The following ANK1 variants were observed in gnomAD, a reference collection of about 807,000 sequenced individuals.
ANK1 encodes ankyrin-1.
A neutral mutation model predicts 210.4 loss-of-function variants in ANK1; 51 were observed. The observed-to-expected ratio is 0.24, with a 90% CI of 0.19 to 0.31. The LOEUF is 0.31. Among genes scored for constraint, ANK1 ranks in the 10% least tolerant of loss-of-function variants. The probability of loss-of-function intolerance (pLI) is 1.00; values close to 1 mark genes in which losing one functional copy is unlikely to be tolerated. For missense variants in ANK1, 2,051 were observed against 2,504.4 expected (o/e 0.82, Z 3.86); for synonymous variants, 967 against 1,025.9 (o/e 0.94, Z 1.10).
At chr8:41,729,167 A>C (rs1831475677) in intron 3 of ANK1, among the ~76,000 whole-genome samples, 1 of 152,208 alleles carries the variant, frequency 6.6e-6, no homozygotes, top group Non-Finnish European at 1.5e-5. Flanking sequence ...GGGGGTAATA[A>C]ATGGAATACA....
intron 1 of ANK1, among the ~76,000 whole-genome samples, chr8:41,796,055 C>T (rs143991608): frequency 6.6e-6 from 1 of 152,278 alleles, no homozygotes; most frequent in Non-Finnish European, 1.5e-5. Flanking sequence ...ATACCAATAA[C>T]AGAGAAGAAA....
At position 41,704,558 on chromosome 8, in the gene ANK1, G is replaced by C. The variant is rs1393742752; in HGVS notation, c.2098-86C>G. 1.6e-6 allele frequency: 2 copies of C among 1,216,000 alleles called. No homozygotes were observed. Among genetic ancestry groups the C allele is most frequent in the African/African-American group, 1.5e-5 (1 of 67,324 alleles). 75.3% of individuals were successfully genotyped at this position (1,216,000 alleles called of 1,614,324 possible). A position where few individuals can be genotyped will look rare whatever the true frequency, so the allele number is the denominator to read the frequency against. ...CTTCCCAAAGCAGCTGATTCAAAGA[G>C]AGAACGGACAGGGAGCCCCTTGAAG... On this transcript the variant is annotated intron_variant, in intron 18 of 42. Transcript: ENST00000289734. This position sits in a 1 kb window ranked among gnomAD's most constrained non-coding sequence, Gnocchi z 4.1.
Position 41,695,291 on chromosome 8 carries a change from G to A in ANK1, c.3001C>T (p.Arg1001Cys), listed in dbSNP as rs148222043. 15 of 1,613,764 alleles carry A rather than the reference G, an allele frequency of 9.3e-6. No homozygotes were observed. The highest frequency in any genetic ancestry group is 1.6e-4 in the Middle Eastern group (1 of 6,082). ...VEIPHFASHG[R>C]GDRELVVLRS... The stretch of plus-strand genomic sequence containing the variant: ...AGAACCACGAGCTCGCGGTCTCCAC[G>A]GCCATGGGAGGCAAAGTGCGGGATC... The change falls in exon 27 of 43, where the codon CGT (arginine) becomes TGT (cysteine). Residue 1001 changes from arginine (R) to cysteine (C), a missense_variant. Arg to Cys is a radical substitution (Grantham distance 180). Transcript: ENST00000289734.
chr8:41,710,357 G>C (rs1206337914), intron 16 of ANK1, among the ~76,000 whole-genome samples: 1 of 152,206 alleles, frequency 6.6e-6, no homozygotes, highest in South Asian at 2.1e-4. Context: ...ATGTCACGTA[G>C]TAAGCAGAAC....
chr8:41,773,462 T>G (rs1843366064), intron 1 of ANK1, among the ~76,000 whole-genome samples: 1 of 152,036 alleles, frequency 6.6e-6, no homozygotes, highest in East Asian at 1.9e-4. Context: ...CACACAGGGG[T>G]TCCCCTTATT....
intron 1 of ANK1, among the ~76,000 whole-genome samples, chr8:41,855,412 C>A (rs144166784): frequency 5.8e-4 from 88 of 152,324 alleles, no homozygotes; most frequent in Non-Finnish European, 1.1e-3. Flanking sequence ...AGATACGTAA[C>A]AAAGCACCAC....
At chr8:41,774,010 C>T (rs868574956) in intron 1 of ANK1, among the ~76,000 whole-genome samples, 4 of 152,208 alleles carry the variant, frequency 2.6e-5, no homozygotes, top group African/African-American at 9.6e-5. Context: ...GCTTCAGTAT[C>T]TGTGTCTCTT....
chr8:41,755,128 C>T (rs1838794634), intron 2 of ANK1, among the ~76,000 whole-genome samples: 2 of 152,246 alleles, frequency 1.3e-5, no homozygotes, highest in Non-Finnish European at 2.9e-5. Context: ...GCAGGGCTGA[C>T]AGCCACTTGT....
chr8:41,719,854 C>G lies in ANK1; in HGVS notation c.914G>C (p.Gly305Ala). The change falls in exon 10 of 43, where the codon GGC becomes GCC. Residue 305 changes from glycine to alanine, a missense_variant. Around this residue, in one of 6 missense-constraint regions of ANK1, gnomAD observed 1,413 missense variants for 1,707.4 expected, o/e 0.83. Coordinates refer to ENST00000289734, the MANE Select transcript of ANK1 (RefSeq NM_000037.4). ...GAPIQAKTKN[G>A]LSPIHMAAQG... ...AGCCGCCATGTGAATTGGGGACAGG[C>G]CGTTCTGGGTAAAGAGGAAAACACA... 2 of 1,614,174 alleles carry G rather than the reference C, an allele frequency of 1.2e-6. No individual in the cohort carries two copies. The highest frequency in any genetic ancestry group is 1.7e-6 in the Non-Finnish European group (2 of 1,180,032).
At chr8:41,717,241 G>A (rs939918827) in intron 12 of ANK1, among the ~76,000 whole-genome samples, 190 bp from the exon 13 acceptor site, 1 of 152,232 alleles carries the variant, frequency 6.6e-6, no homozygotes. Context: ...GTATGTGTGT[G>A]TGTGCACATA....
At position 41,758,148 on chromosome 8, in the gene ANK1, AAAC is replaced by A. The variant is rs763585033; in HGVS notation, c.28-14_28-12del. ...GGTAGCAGCATCGGCCTGTGAGGAA[AAAC>A]AACAGGCGGTGAGTGTCCTGGGTGT... On this transcript the variant is annotated splice_polypyrimidine_tract_variant and intron_variant, in intron 1 of 42. Transcript: ENST00000289734. 21 of 1,611,818 alleles carry A rather than the reference AAAC, an allele frequency of 1.3e-5. 1 individual carries two copies. The South Asian group carries it at 1.6e-4, about 13-fold the overall frequency.
chr8:41,820,602 G>T (rs1208691506), intron 1 of ANK1, among the ~76,000 whole-genome samples: 1 of 152,056 alleles, frequency 6.6e-6, no homozygotes, highest in Non-Finnish European at 1.5e-5. Context: ...GGATCCTGTA[G>T]CTGCAGGGGT....
At chr8:41,862,607 T>C (rs1365826054) in intron 1 of ANK1, among the ~76,000 whole-genome samples, 1 of 148,590 alleles carries the variant, frequency 6.7e-6, no homozygotes, top group Admixed American at 6.8e-5. Flanking sequence ...AAGTGAAAAT[T>C]CCTTAAAATT....
chr8:41,686,157 G>A lies in ANK1; in HGVS notation c.4385C>T (p.Ala1462Val), dbSNP rs34664882. Residue 1462 changes from alanine to valine, a missense_variant, in exon 36 of 43, where the codon GCA becomes GTA. Physicochemically the swap from Ala to Val is moderately conservative, Grantham distance 64. Around this residue, in one of 6 missense-constraint regions of ANK1, gnomAD observed 39 missense variants for 75.1 expected, o/e 0.52. Coordinates refer to ENST00000289734, the MANE Select transcript of ANK1 (RefSeq NM_000037.4). ...NLWVIREGQN[A>V]NMENLYTALQ... ...CTCAGTGGGACGGTACTGACTGTTT[G>A]CGTTTTGGCCTTCACGGATGACCCA... is the stretch of plus-strand genomic sequence containing the variant. 0.028 allele frequency: 45,078 copies of A among 1,614,202 alleles called. 736 individuals are homozygous for A. Among genetic ancestry groups the A allele is most frequent in the Non-Finnish European group, 0.032 (37,732 of 1,180,026 alleles).
intron 2 of ANK1, among the ~76,000 whole-genome samples, chr8:41,755,699 C>T (rs1328510451): frequency 6.6e-6 from 1 of 152,232 alleles, no homozygotes; most frequent in Non-Finnish European, 1.5e-5. Flanking sequence ...ACAACTCTCA[C>T]ACCAAGACTC....
intron 2 of ANK1, among the ~76,000 whole-genome samples, chr8:41,735,408 T>A (rs1359592259): frequency 6.6e-6 from 1 of 152,184 alleles, no homozygotes; most frequent in Non-Finnish European, 1.5e-5. Flanking sequence ...TTTCCCCTCC[T>A]GTCCTCCTCC....
intron 2 of ANK1, among the ~76,000 whole-genome samples, chr8:41,738,742 G>A (rs760011118): frequency 6.6e-6 from 1 of 152,186 alleles, no homozygotes; most frequent in Non-Finnish European, 1.5e-5. Flanking sequence ...AAGTTAGCTT[G>A]GTTGCTAAAA....
intron 37 of ANK1, among the ~76,000 whole-genome samples, chr8:41,681,155 C>T (rs1815863042): frequency 6.6e-6 from 1 of 152,138 alleles, no homozygotes; most frequent in South Asian, 2.1e-4. Context: ...CAGCCTCACC[C>T]TAGACAAGGC....
At chr8:41,746,054 T>A (rs1223587704) in intron 2 of ANK1, among the ~76,000 whole-genome samples, 1 of 152,104 alleles carries the variant, frequency 6.6e-6, no homozygotes, top group Non-Finnish European at 1.5e-5. Flanking sequence ...CTGATATTAT[T>A]CCAGGATGGA....
Sources: gnomAD v4.1 joint callset for allele counts (sites outside exome capture counted in the v4.1 genomes callset) on GRCh38, gnomAD v4.1.1 for gene constraint, gnomAD v4.1.1 regional missense constraint, Gnocchi (gnomAD v3.1) non-coding constraint, MANE v1.5 for transcripts, NCBI Gene and HGNC (gene_info 2026-07-23, HGNC 2026-07-21) for gene names.